DAAM1: variants seen among roughly 807,000 people sequenced by gnomAD.
DAAM1 encodes the protein disheveled-associated activator of morphogenesis 1.
In DAAM1, 52 loss-of-function variants were observed where a neutral mutation model predicts 130.0. That is an observed-to-expected ratio of 0.40 (90% CI 0.32 to 0.50). The LOEUF (loss-of-function observed/expected upper bound fraction) is 0.50, where lower values mean the gene tolerates loss of function less well. DAAM1 is among the 20% of genes least tolerant of loss of function. The pLI, the probability that DAAM1 is intolerant of heterozygous loss-of-function variation, is 0.61. For synonymous variants in DAAM1, 452 were observed against 444.5 expected (o/e 1.02, Z -0.21); for missense variants, 1,134 against 1,303.8 (o/e 0.87, Z 2.01).
intron 2 of DAAM1, among the ~76,000 whole-genome samples, chr14:59,286,837 C>T (rs1210925908): frequency 6.6e-6 from 1 of 152,104 alleles, no homozygotes; most frequent in Non-Finnish European, 1.5e-5. Flanking sequence ...GATAGATTCA[C>T]AGCTGAATTC....
intron 17 of DAAM1, 88 bp downstream of exon 17, chr14:59,347,711 G>A: frequency 7.8e-7 from 1 of 1,277,850 alleles, no homozygotes; most frequent in Admixed American, 1.9e-5. Context: ...TGTTGCTAGT[G>A]GATCATTTCC....
At position 59,264,062 on chromosome 14, in the gene DAAM1, G is replaced by A. The variant is rs543890817; in HGVS notation, c.183+402G>A. The A allele has an allele frequency of 1.6e-4, 44 of 272,066 alleles. No homozygotes were observed. In the East Asian group the frequency reaches 4.0e-3, roughly 25 times the overall value. The allele number at this position is 272,066 out of a possible 1,614,324, so 16.9% of individuals were successfully genotyped here. On this transcript the variant is annotated intron_variant, in intron 2 of 24. Transcript: ENST00000360909. Reference sequence around the variant, plus strand: ...ATGCTCCCCTACCCCCACACCGAATGTACAGTATTAACGTATTTTTAAAAA... The same window carrying A: ...ATGCTCCCCTACCCCCACACCGAATATACAGTATTAACGTATTTTTAAAAA...
rs1476564337 is a variant in DAAM1 at position 59,326,960 on chromosome 14, G to T, written c.1341G>T (p.Gln447His). ...TGGTTAATGAAAATGAAGTTAAGCA[G>T]TGGAAAGAACAAGCGGAAAAAATGA... is the stretch of plus-strand genomic sequence containing the variant. ...RMLVNENEVK[Q>H]WKEQAEKMRK... The change falls in exon 12 of 25, where the codon CAG (glutamine) becomes CAT (histidine). Residue 447 changes from glutamine (Q) to histidine (H), a missense_variant. This residue lies in a region of DAAM1 where 391 missense variants were observed against 521.6 expected (regional missense o/e 0.75). Transcript: ENST00000360909. 4.3e-6 allele frequency: 7 copies of T among 1,613,870 alleles called. No homozygotes were observed. The African/African-American group carries it at 8.0e-5, about 18-fold the overall frequency.
chr14:59,365,488 T>TAAAAAATAGAATATTTCCAAATAAGTA (rs5809029), intron 23 of DAAM1, among the ~76,000 whole-genome samples: 2 of 152,110 alleles, frequency 1.3e-5, no homozygotes, highest in African/African-American at 2.4e-5. Flanking sequence ...TCCAAATAAG[T>TAAAAAATAGAATATTTCCAAATAAGTA]AAACATTGAA....
chr14:59,258,310 G>A (rs1039070458), intron 1 of DAAM1, among the ~76,000 whole-genome samples: 2 of 152,178 alleles, frequency 1.3e-5, no homozygotes, highest in African/African-American at 4.8e-5. Flanking sequence ...GTTTGGGCAT[G>A]GGCAGCATTC....
intron 2 of DAAM1, among the ~76,000 whole-genome samples, chr14:59,270,481 G>A (rs139708567): frequency 1.6e-4 from 25 of 152,230 alleles, no homozygotes; most frequent in African/African-American, 6.0e-4. Context: ...CTATTCATGA[G>A]GGATCCTCCC....
chr14:59,246,255 T>C (rs1881372253), intron 1 of DAAM1, among the ~76,000 whole-genome samples: 1 of 152,164 alleles, frequency 6.6e-6, no homozygotes, highest in Admixed American at 6.5e-5. Context: ...CCACTCTACT[T>C]TGTTTCTGTG....
intron 2 of DAAM1, among the ~76,000 whole-genome samples, chr14:59,286,488 AT>A: frequency 6.6e-6 from 1 of 152,252 alleles, no homozygotes; most frequent in Non-Finnish European, 1.5e-5. Flanking sequence ...CAAACCAAAA[AT>A]TTAATCTTTC....
intron 1 of DAAM1, among the ~76,000 whole-genome samples, chr14:59,257,385 A>C (rs1022522555): frequency 7.9e-5 from 12 of 152,040 alleles, no homozygotes; most frequent in Admixed American, 2.6e-4. Context: ...CATTAAAAAA[A>C]AAAAGGCACT....
intron 12 of DAAM1, among the ~76,000 whole-genome samples, chr14:59,328,249 A>G (rs1050896150): frequency 2.6e-5 from 4 of 152,248 alleles, no homozygotes; most frequent in African/African-American, 7.2e-5. Flanking sequence ...CGAGTTCCTC[A>G]TATGTATTCA....
chr14:59,235,600 C>A (rs1889270814), intron 1 of DAAM1, among the ~76,000 whole-genome samples: 1 of 152,050 alleles, frequency 6.6e-6, no homozygotes, highest in African/African-American at 2.4e-5. Flanking sequence ...CTCCTGGATT[C>A]ATTGATTTTT....
rs892127162 is a variant in DAAM1 at position 59,307,569 on chromosome 14, G to A, written c.274-7711G>A. 2.6e-5 allele frequency among the ~76,000 whole-genome samples: 4 copies of A among 152,124 alleles called. No individual in the cohort carries two copies. The East Asian group carries it at 5.8e-4, about 22-fold the overall frequency. On this transcript the variant is annotated intron_variant, in intron 3 of 24. Coordinates refer to ENST00000360909, the MANE Select transcript of DAAM1 (RefSeq NM_001270520.2). ...TCAAGTATATTTTATTTTTGAATAC[G>A]TGATATGGTAGCAAGAGGCTTTCTC...
chr14:59,343,595 G>A (rs954434514), intron 16 of DAAM1, among the ~76,000 whole-genome samples: 2 of 152,172 alleles, frequency 1.3e-5, no homozygotes, highest in Admixed American at 1.3e-4. Context: ...TATTCCATGG[G>A]CTGTATTTTA....
At chr14:59,232,123 C>T (rs1889128487) in intron 1 of DAAM1, among the ~76,000 whole-genome samples, 2 of 152,130 alleles carry the variant, frequency 1.3e-5, no homozygotes, top group African/African-American at 4.8e-5. Flanking sequence ...TAAAGGTTGG[C>T]ACTTCAGCAT....
Position 59,323,118 on chromosome 14 carries a change from G to A in DAAM1, c.667G>A (p.Val223Met), listed in dbSNP as rs759856885. 5.9e-5 allele frequency: 95 copies of A among 1,613,386 alleles called. No homozygotes were observed. The highest frequency in any genetic ancestry group is 3.3e-4 in the Middle Eastern group (2 of 6,082). Residue 223 changes from valine (V) to methionine (M), a missense_variant, in exon 6 of 25, where the codon GTG (valine) becomes ATG (methionine). Coordinates refer to ENST00000360909, the MANE Select transcript of DAAM1 (RefSeq NM_001270520.2). ...STENIKTKVAVLEILGAVCLV... is the reference protein window; with the variant it reads ...STENIKTKVAMLEILGAVCLV... Reference sequence around the variant, plus strand: ...AGAGAACATTAAAACGAAGGTGGCCGTGCTGGAAATCTTGGGCGCCGTGTG... The same window carrying A: ...AGAGAACATTAAAACGAAGGTGGCCATGCTGGAAATCTTGGGCGCCGTGTG...
intron 9 of DAAM1, 108 bp downstream of exon 9, chr14:59,325,838 C>G: frequency 2.6e-6 from 4 of 1,519,402 alleles, no homozygotes; most frequent in Non-Finnish European, 3.6e-6. Context: ...TAAAAGCAAA[C>G]TCAAAGCTCT....
At chr14:59,258,931 ACT>A (rs1882036120) in intron 1 of DAAM1, among the ~76,000 whole-genome samples, 1 of 151,938 alleles carries the variant, frequency 6.6e-6, no homozygotes, top group Admixed American at 6.6e-5. Flanking sequence ...AGTATAGTAG[ACT>A]CTGTGTCTTA....
chr14:59,199,965 A>G (rs1888048179), intron 1 of DAAM1, among the ~76,000 whole-genome samples: 1 of 152,230 alleles, frequency 6.6e-6, no homozygotes, highest in Non-Finnish European at 1.5e-5. Flanking sequence ...GATGGTCTGA[A>G]GACTTTAATC....
chr14:59,190,327 TATA>T (rs1443705971), intron 1 of DAAM1, among the ~76,000 whole-genome samples: 5 of 152,124 alleles, frequency 3.3e-5, no homozygotes, highest in African/African-American at 4.8e-5. Context: ...CTCTGAAAAT[TATA>T]ATTTGAAAAA....
Sources: gnomAD v4.1 joint callset for allele counts (sites outside exome capture counted in the v4.1 genomes callset) on GRCh38, gnomAD v4.1.1 for gene constraint, gnomAD v4.1.1 regional missense constraint, MANE v1.5 for transcripts, NCBI Gene and HGNC (gene_info 2026-07-23, HGNC 2026-07-21) for gene names.